Variants in DNAH14 observed in about 807,000 individuals in gnomAD.
DNAH14 encodes axonemal beta dynein heavy chain 14.
In DNAH14, 478 loss-of-function variants were observed where a neutral mutation model predicts 520.9. The ratio of observed to expected loss-of-function variants is 0.92; its 90% confidence interval spans 0.85 to 0.99. The LOEUF is 0.99. Ranked by LOEUF, DNAH14 falls within the 50% of genes least tolerant of loss-of-function variation. The pLI is 0.00. For synonymous variants in DNAH14, 1,581 were observed against 1,757.2 expected, an observed-to-expected ratio of 0.90 and a Z score of 2.51; for missense variants, 4,831 against 5,234.5, an observed-to-expected ratio of 0.92 and a Z score of 2.38.
chr1:225,204,457 A>G (rs1371035737), intron 39 of DNAH14, among the ~76,000 whole-genome samples, 184 bp downstream of exon 39: 1 of 152,136 alleles, frequency 6.6e-6, no homozygotes, highest in Non-Finnish European at 1.5e-5. Context: ...TACAATGTAT[A>G]CATATATATA....
chr1:225,302,431 T>C (rs997577575), intron 56 of DNAH14, among the ~76,000 whole-genome samples: 2 of 152,188 alleles, frequency 1.3e-5, no homozygotes, highest in Non-Finnish European at 2.9e-5. Context: ...TTTGACAAAA[T>C]AAGTTGCTTG....
intron 41 of DNAH14, among the ~76,000 whole-genome samples, chr1:225,215,225 G>C (rs77707988): frequency 6.6e-6 from 1 of 152,100 alleles, no homozygotes; most frequent in Admixed American, 6.5e-5. Flanking sequence ...GTTTTAGTGA[G>C]TTTGTTAATC....
At chr1:225,094,680 AACAAAAC>A in intron 21 of DNAH14, among the ~76,000 whole-genome samples, 1 of 78,216 alleles carries the variant, frequency 1.3e-5, no homozygotes, top group Non-Finnish European at 2.1e-5. Flanking sequence ...AAAAAAAAAC[AACAAAAC>A]AAACAAACAA....
intron 4 of DNAH14, among the ~76,000 whole-genome samples, chr1:224,962,816 GTTCT>G (rs2125571580): frequency 6.6e-6 from 1 of 152,202 alleles, no homozygotes; most frequent in East Asian, 1.9e-4. Flanking sequence ...CTGAAAAAGT[GTTCT>G]TTATTTTATT....
chr1:225,207,568 A>C (rs2087751001), intron 41 of DNAH14, among the ~76,000 whole-genome samples: 2 of 152,208 alleles, frequency 1.3e-5, no homozygotes, highest in African/African-American at 4.8e-5. Flanking sequence ...GTAATCACAC[A>C]AAGGCGTAAT....
intron 44 of DNAH14, among the ~76,000 whole-genome samples, chr1:225,255,821 T>C (rs545776029): frequency 1.3e-5 from 2 of 151,648 alleles, no homozygotes; most frequent in African/African-American, 4.8e-5. Context: ...TATAAAGAAA[T>C]AAAAAGAAAG....
In DNAH14 at chr1:225,358,574, C is replaced by A. The variant is rs2095457699; in HGVS notation, c.11698C>A (p.Gln3900Lys). 1 of 1,549,314 alleles carries A rather than the reference C, an allele frequency of 6.5e-7. No individual in the cohort carries two copies. Among genetic ancestry groups the A allele is most frequent in the African/African-American group, 1.4e-5 (1 of 72,996 alleles). The change falls in exon 74 of 86, where the codon CAA becomes AAA. Residue 3900 changes from glutamine to lysine, a missense_variant. Gln to Lys is a moderately conservative substitution (Grantham distance 53). Transcript: ENST00000682510. The stretch of plus-strand genomic sequence containing the variant: ...TGAAAAAATGGGAAATAAGTATCTT[C>A]AAAGAACTGGAGTTAATTTGAAAGA... Reference protein sequence around the residue: ...ITEKMGNKYLQRTGVNLKDAY... With the variant: ...ITEKMGNKYLKRTGVNLKDAY...
At chr1:225,006,552 TA>T (rs1299841142) in intron 9 of DNAH14, among the ~76,000 whole-genome samples, 2 of 151,390 alleles carry the variant, frequency 1.3e-5, no homozygotes, top group African/African-American at 2.4e-5. Flanking sequence ...GGGTTGAAGA[TA>T]AGGGATGAAA....
In DNAH14 at chr1:225,061,616, C is replaced by A. The variant is rs113800441; in HGVS notation, c.2424+9821C>A. Among the ~76,000 whole-genome samples the A allele has an allele frequency of 3.9e-3, 587 of 152,258 alleles. 5 individuals carry two copies. The highest frequency in any genetic ancestry group is 0.013 in the African/African-American group (555 of 41,542). ...TCTTCTGCGTCGCTCATGCTGGGAG[C>A]TGTAGACTGGAGCTGTTCCTATACG... On this transcript the variant is annotated intron_variant, in intron 17 of 85. Transcript: ENST00000682510.
At position 225,346,268 on chromosome 1, in the gene DNAH14, A is replaced by C. The variant is rs1448416370; in HGVS notation, c.10985A>C (p.Glu3662Ala). 1.3e-6 allele frequency: 2 copies of C among 1,551,450 alleles called. No individual in the cohort carries two copies. The highest frequency in any genetic ancestry group is 3.9e-5 in the Admixed American group (2 of 50,902). ...SFKREKVSPK[E>A]VHEFISISKE... ...AAAAGGGAGAAAGTGTCTCCAAAAG[A>C]AGTTCATGAGTTTATAAGTATTTCA... Residue 3662 changes from glutamate to alanine, a missense_variant, in exon 70 of 86, where the codon GAA becomes GCA. Physicochemically the swap from Glu to Ala is moderately radical, Grantham distance 107. Coordinates refer to ENST00000682510, the MANE Select transcript of DNAH14 (RefSeq NM_001367479.1).
At chr1:225,309,624 G>T (rs554581461) in intron 60 of DNAH14, among the ~76,000 whole-genome samples, 1 of 152,300 alleles carries the variant, frequency 6.6e-6, no homozygotes, top group African/African-American at 2.4e-5. Context: ...GCCGAGCGGG[G>T]TGGCTTATGC....
chr1:225,265,210 A>G lies in DNAH14; in HGVS notation c.7251A>G (p.Arg2417=). The G allele has an allele frequency of 6.7e-7, 1 of 1,501,226 alleles. No homozygotes were observed. Among genetic ancestry groups the G allele is most frequent in the South Asian group, 1.4e-5 (1 of 73,696 alleles). The allele number at this position is 1,501,226 out of a possible 1,614,324, so 93.0% of individuals were successfully genotyped here. ...SDNPTKKPEV[R]TNKKLLKNND... ...ATCCCACTAAAAAGCCAGAAGTTAGAACTAATAAAAAGTTACTTAAAAATA... is the reference window on the plus strand; with the variant it reads ...ATCCCACTAAAAAGCCAGAAGTTAGGACTAATAAAAAGTTACTTAAAAATA... The change falls in exon 48 of 86, where the codon AGA becomes AGG. Residue 2417 remains arginine, a synonymous_variant. Transcript: ENST00000682510.
At chr1:225,027,495 A>C (rs932618084) in intron 11 of DNAH14, among the ~76,000 whole-genome samples, 9 of 152,162 alleles carry the variant, frequency 5.9e-5, no homozygotes, top group African/African-American at 2.2e-4. Context: ...TAATGAGAAG[A>C]GGTCTGATTG....
At chr1:225,113,715 C>T (rs2076656270) in intron 23 of DNAH14, among the ~76,000 whole-genome samples, 1 of 152,210 alleles carries the variant, frequency 6.6e-6, no homozygotes, top group African/African-American at 2.4e-5. Flanking sequence ...TCTCACTCTT[C>T]CCTTCCCTTT....
chr1:224,963,368 C>T (rs951668600), intron 4 of DNAH14, among the ~76,000 whole-genome samples: 4 of 151,964 alleles, frequency 2.6e-5, no homozygotes, highest in African/African-American at 9.7e-5. Flanking sequence ...TAAACATATT[C>T]TCCCATATTT....
At chr1:225,113,307 C>T (rs2076620157) in intron 23 of DNAH14, among the ~76,000 whole-genome samples, 1 of 152,148 alleles carries the variant, frequency 6.6e-6, no homozygotes, top group African/African-American at 2.4e-5. Flanking sequence ...GATTCTTGTT[C>T]TCTTCCCTTA....
At chr1:225,256,397 G>A (rs969379269) in intron 44 of DNAH14, among the ~76,000 whole-genome samples, 2 of 152,116 alleles carry the variant, frequency 1.3e-5, no homozygotes, top group Non-Finnish European at 2.9e-5. Flanking sequence ...GCTTCTGTGG[G>A]ATGGATTTGG....
chr1:225,144,745 A>G (rs1211263838), intron 29 of DNAH14, 117 bp downstream of exon 29: 2 of 751,502 alleles, frequency 2.7e-6, no homozygotes, highest in Admixed American at 2.8e-5. Flanking sequence ...ATTAACAAGC[A>G]CATTCATTAA....
chr1:225,373,889 G>A (rs1225588182), intron 77 of DNAH14, among the ~76,000 whole-genome samples: 1 of 151,632 alleles, frequency 6.6e-6, no homozygotes, highest in Non-Finnish European at 1.5e-5. Flanking sequence ...ACTTTGGGAG[G>A]CCAAGGCAGG....
Sources: allele counts gnomAD v4.1 joint callset (sites outside exome capture counted in the v4.1 genomes callset), GRCh38; gene constraint gnomAD v4.1.1; transcripts MANE v1.5; gene names NCBI Gene and HGNC (gene_info 2026-07-23, HGNC 2026-07-21).